The following JARID2 variants were observed in gnomAD, a reference collection of about 807,000 sequenced individuals.
The protein encoded by JARID2 is jumonji and AT-rich interaction domain containing 2.
Under a neutral mutation model 125.6 loss-of-function variants are expected in JARID2, and 21 were observed. That is an observed-to-expected ratio of 0.17 (90% confidence interval 0.12 to 0.24). JARID2 has a LOEUF of 0.24. Among genes scored for constraint, JARID2 ranks in the 10% least tolerant of loss-of-function variants. The pLI is 1.00. For synonymous variants in JARID2, 736 were observed against 661.6 expected (o/e 1.11, Z -1.73); for missense variants, 1,303 against 1,639.6 (o/e 0.79, Z 3.55).
rs1446933372 is a variant in JARID2 at position 15,521,117 on chromosome 6, A to G, written c.*866A>G. Reference sequence around the variant, plus strand: ...GGAAAAAAAAGTGATGGAAGCCGTAAGTGCTTCTTTGTCATCGACGTGCAA... The same window carrying G: ...GGAAAAAAAAGTGATGGAAGCCGTAGGTGCTTCTTTGTCATCGACGTGCAA... On this transcript the variant is annotated 3_prime_UTR_variant, in exon 18 of 18. Coordinates refer to ENST00000341776, the MANE Select transcript of JARID2 (RefSeq NM_004973.4). The G allele has an allele frequency of 5.9e-6, 1 of 170,468 alleles. No individual in the cohort carries two copies. The highest frequency in any genetic ancestry group is 1.3e-5 in the Non-Finnish European group (1 of 78,922). The allele number at this position is 170,468 out of a possible 1,614,324, so 10.6% of individuals were successfully genotyped here.
rs750564267 is a variant in JARID2, at chr6:15,507,346, G to A, written c.2661G>A (p.Arg887=). The change falls in exon 11 of 18, where the codon AGG becomes AGA. Residue 887 remains arginine (R), a splice_region_variant and synonymous_variant. Transcript: ENST00000341776. ...ACGTCCCTCGTCTTCCCCTTTGCAG[G>A]CATGGATGGAACCTCACCGTCCTCC... The part of the protein sequence containing the change: ...FPVGKSEPFS[R]HGWNLTVLPN... 9 of 1,613,776 alleles carry A rather than the reference G, an allele frequency of 5.6e-6. No homozygotes were observed. In the South Asian group the frequency reaches 8.8e-5, roughly 16 times the overall value.
intron 3 of JARID2, among the ~76,000 whole-genome samples, chr6:15,417,764 T>C (rs1036278774): frequency 2.0e-5 from 3 of 152,072 alleles, no homozygotes; most frequent in Admixed American, 6.5e-5. Flanking sequence ...AATAAGCGAA[T>C]AAATAAATAA....
intron 4 of JARID2, among the ~76,000 whole-genome samples, chr6:15,453,983 T>G (rs145285110): frequency 6.6e-6 from 1 of 152,254 alleles, no homozygotes; most frequent in African/African-American, 2.4e-5. Context: ...CTTAGTAGAC[T>G]GAGGTTGCAT....
intron 6 of JARID2, among the ~76,000 whole-genome samples, chr6:15,494,416 T>TTTTTTTTTG (rs1770305070): frequency 7.6e-6 from 1 of 131,296 alleles, no homozygotes; most frequent in Non-Finnish European, 1.6e-5. Context: ...GGCAAGTCTT[T>TTTTTTTTTG]TTTTTTTTTT....
chr6:15,267,549 T>C (rs1423053766), intron 1 of JARID2, among the ~76,000 whole-genome samples: 2 of 152,204 alleles, frequency 1.3e-5, no homozygotes, highest in African/African-American at 4.8e-5. Flanking sequence ...CTCTGAATGC[T>C]CTGGGAATGG....
At chr6:15,365,421 C>T (rs372660099) in intron 1 of JARID2, among the ~76,000 whole-genome samples, 1 of 152,122 alleles carries the variant, frequency 6.6e-6, no homozygotes, top group Non-Finnish European at 1.5e-5. Flanking sequence ...TAACCATGAG[C>T]GTGCGGACGT....
intron 3 of JARID2, among the ~76,000 whole-genome samples, chr6:15,420,465 T>C (rs765484591): frequency 1.2e-4 from 18 of 152,268 alleles, no homozygotes; most frequent in Non-Finnish European, 8.8e-5. Context: ...GTAATATGCT[T>C]ATTCTTTGGT....
chr6:15,257,933 A>T (rs148378918), intron 1 of JARID2, among the ~76,000 whole-genome samples: 3 of 152,244 alleles, frequency 2.0e-5, no homozygotes, highest in African/African-American at 7.2e-5. Flanking sequence ...ACAATGTGTT[A>T]TTAGTCAGAA....
At chr6:15,277,958 T>G (rs1427300980) in intron 1 of JARID2, among the ~76,000 whole-genome samples, 1 of 152,024 alleles carries the variant, frequency 6.6e-6, no homozygotes, top group African/African-American at 2.4e-5. Context: ...ATAAAAAAGG[T>G]GAACTCTGGT....
intron 3 of JARID2, among the ~76,000 whole-genome samples, chr6:15,426,484 G>A (rs928105940): frequency 6.6e-6 from 1 of 152,186 alleles, no homozygotes; most frequent in Admixed American, 6.5e-5. Context: ...AAGAACCCAG[G>A]TAGTTTGTAG....
At chr6:15,297,185 CTG>C (rs987392487) in intron 1 of JARID2, among the ~76,000 whole-genome samples, 1 of 152,158 alleles carries the variant, frequency 6.6e-6, no homozygotes, top group African/African-American at 2.4e-5. Flanking sequence ...GAGTCTCACT[CTG>C]TTGCCCAGGC....
chr6:15,339,549 T>C (rs1162714178), intron 1 of JARID2, among the ~76,000 whole-genome samples: 2 of 150,966 alleles, frequency 1.3e-5, no homozygotes, highest in East Asian at 1.9e-4. Flanking sequence ...TTTTTTTTTT[T>C]TCCTTAAGAG....
At chr6:15,363,939 A>G (rs1256445500) in intron 1 of JARID2, among the ~76,000 whole-genome samples, 1 of 152,178 alleles carries the variant, frequency 6.6e-6, no homozygotes, top group African/African-American at 2.4e-5. Flanking sequence ...AAATAAGGCA[A>G]TATGTCAGTT....
At chr6:15,400,708 T>G in intron 2 of JARID2, 1 of 671,082 alleles carries the variant, frequency 1.5e-6, no homozygotes, top group Non-Finnish European at 1.8e-6. Context: ...CCCCTCCTCT[T>G]TGGTGTTCGA....
In JARID2 at chr6:15,452,096, C is replaced by T. The variant is rs915948332; in HGVS notation, c.414C>T (p.Pro138=). 1.2e-6 allele frequency: 2 copies of T among 1,613,912 alleles called. No homozygotes were observed. Among genetic ancestry groups the T allele is most frequent in the Admixed American group, 3.3e-5 (2 of 59,988 alleles). Residue 138 remains proline (P), a synonymous_variant, in exon 4 of 18, where the codon CCC becomes CCT. Transcript: ENST00000341776. ...TAAAGATAGTGGAGCCATTGCTACC[C>T]CCTCCAGCTACTCAGATATCAGACC... The part of the protein sequence containing the change: ...TPVKIVEPLL[P]PPATQISDLS...
intron 2 of JARID2, among the ~76,000 whole-genome samples, chr6:15,390,247 T>C (rs942012250): frequency 6.6e-6 from 1 of 152,200 alleles, no homozygotes; most frequent in African/African-American, 2.4e-5. Flanking sequence ...GAGGTTTCCA[T>C]GCTCCTGAGC....
rs774355199 is a variant in JARID2, at chr6:15,520,294, A to G, written c.*43A>G. The G allele has an allele frequency of 7.0e-7, 1 of 1,436,922 alleles. No homozygotes were observed. The highest frequency in any genetic ancestry group is 9.3e-7 in the Non-Finnish European group (1 of 1,075,276). The allele number at this position is 1,436,922 out of a possible 1,614,324, so 89.0% of individuals were successfully genotyped here. A position where few individuals can be genotyped will look rare whatever the true frequency, so the allele number is the denominator to read the frequency against. On this transcript the variant is annotated 3_prime_UTR_variant, in exon 18 of 18. Coordinates refer to ENST00000341776, the MANE Select transcript of JARID2 (RefSeq NM_004973.4). The stretch of plus-strand genomic sequence containing the variant: ...GTCGATTTATATATATTTTTTTGTA[A>G]TTATTATATTCTAGTTTGGAGTACT...
chr6:15,390,149 C>T (rs1214291779), intron 2 of JARID2, among the ~76,000 whole-genome samples: 1 of 152,106 alleles, frequency 6.6e-6, no homozygotes, highest in East Asian at 1.9e-4. Context: ...AGGAACTTGC[C>T]TTTGATTTAT....
At chr6:15,292,304 A>C (rs1761256686) in intron 1 of JARID2, among the ~76,000 whole-genome samples, 1 of 152,140 alleles carries the variant, frequency 6.6e-6, no homozygotes, top group South Asian at 2.1e-4. Flanking sequence ...TACAGGCGTG[A>C]GACACCGCGC....
Sources: allele counts gnomAD v4.1 joint callset (sites outside exome capture counted in the v4.1 genomes callset), GRCh38; gene constraint gnomAD v4.1.1; transcripts MANE v1.5; gene names NCBI Gene and HGNC (gene_info 2026-07-23, HGNC 2026-07-21).